Variants in ATE1 observed in about 807,000 individuals in gnomAD.
ATE1 encodes arginyl-tRNA--protein transferase 1.
In ATE1, 36 loss-of-function variants were observed where a neutral mutation model predicts 70.5. That is an observed-to-expected ratio of 0.51 (90% CI 0.39 to 0.67). The LOEUF (loss-of-function observed/expected upper bound fraction) is 0.67, where lower values mean the gene tolerates loss of function less well. Among genes scored for constraint, ATE1 ranks in the 30% least tolerant of loss-of-function variants. ATE1 has a pLI of 0.00. For missense variants in ATE1, 593 were observed against 629.5 expected (o/e 0.94, Z 0.62); for synonymous variants, 232 against 219.3 (o/e 1.06, Z -0.51).
chr10:121,824,271 C>T (rs564677131), intron 10 of ATE1, among the ~76,000 whole-genome samples: 1 of 152,272 alleles, frequency 6.6e-6, no homozygotes, highest in East Asian at 1.9e-4. Context: ...CTGATGAGAT[C>T]ATTTGTATTC....
intron 11 of ATE1, among the ~76,000 whole-genome samples, chr10:121,785,290 C>T (rs1249310745): frequency 6.6e-6 from 1 of 152,092 alleles, no homozygotes; most frequent in Non-Finnish European, 1.5e-5. Context: ...GTTATTACTG[C>T]AGCACCTTTT....
chr10:121,875,917 A>C (rs749096971), intron 7 of ATE1, among the ~76,000 whole-genome samples: 2 of 152,154 alleles, frequency 1.3e-5, no homozygotes, highest in Admixed American at 1.3e-4. Context: ...ATTTCATATA[A>C]TATCTATTAA....
At chr10:121,906,894 G>A (rs1019986833) in intron 5 of ATE1, among the ~76,000 whole-genome samples, 4 of 151,966 alleles carry the variant, frequency 2.6e-5, no homozygotes, top group Non-Finnish European at 5.9e-5. Context: ...CACTGAGCCC[G>A]GCCAAAATCC....
intron 2 of ATE1, among the ~76,000 whole-genome samples, chr10:121,923,200 G>T (rs1037771398): frequency 1.3e-5 from 2 of 152,174 alleles, no homozygotes; most frequent in Non-Finnish European, 2.9e-5. Context: ...GCCAGGCATG[G>T]TGGTTCATAC....
chr10:121,925,422 T>A, intron 1 of ATE1, among the ~76,000 whole-genome samples: 1 of 124,332 alleles, frequency 8.0e-6, no homozygotes, highest in African/African-American at 2.6e-5. Context: ...AGTGAAGCTC[T>A]GTCTCAAAAA....
At chr10:121,773,947 C>T (rs868509570) in intron 11 of ATE1, among the ~76,000 whole-genome samples, 8 of 152,120 alleles carry the variant, frequency 5.3e-5, no homozygotes, top group African/African-American at 1.9e-4. Flanking sequence ...TCTACAAAGT[C>T]AAGACTATGC....
intron 10 of ATE1, among the ~76,000 whole-genome samples, chr10:121,827,937 G>C (rs924002374): frequency 3.3e-5 from 5 of 152,118 alleles, no homozygotes; most frequent in Admixed American, 2.0e-4. Flanking sequence ...AATTCCTTAG[G>C]GAGGAGAATT....
At position 121,887,298 on chromosome 10, in the gene ATE1, A is replaced by C. The variant is rs147925585; in HGVS notation, c.942+12568T>G. On this transcript the variant is annotated intron_variant, in intron 7 of 11. Transcript: ENST00000224652. ...CTTTCCTTTCCACACTCATTGTCTA[A>C]ACAAGTGAATATACATACACCTGAA... Among the ~76,000 whole-genome samples the C allele has an allele frequency of 7.8e-3, 1,189 of 152,286 alleles. 8 individuals carry two copies. The highest frequency in any genetic ancestry group is 0.014 in the Non-Finnish European group (959 of 68,010).
At chr10:121,841,381 T>C in intron 8 of ATE1, 118 bp from the exon 9 acceptor site, 1 of 701,000 alleles carries the variant, frequency 1.4e-6, no homozygotes, top group Non-Finnish European at 2.0e-6. Flanking sequence ...TTTGTTTCCA[T>C]CATCATCCCT....
chr10:121,898,320 C>T (rs1199685106), intron 7 of ATE1, among the ~76,000 whole-genome samples: 1 of 152,188 alleles, frequency 6.6e-6, no homozygotes, highest in African/African-American at 2.4e-5. Flanking sequence ...AGATATTCAA[C>T]ATTTTATTAT....
At chr10:121,801,305 C>T (rs1417824783) in intron 10 of ATE1, among the ~76,000 whole-genome samples, 5 of 152,188 alleles carry the variant, frequency 3.3e-5, no homozygotes, top group African/African-American at 1.2e-4. Flanking sequence ...TAAGACTGAG[C>T]TATTTATTTT....
At chr10:121,889,114 A>T (rs1199323065) in intron 7 of ATE1, among the ~76,000 whole-genome samples, 1 of 152,114 alleles carries the variant, frequency 6.6e-6, no homozygotes, top group Non-Finnish European at 1.5e-5. Context: ...CCTGGGTTTA[A>T]GCGATTTTCC....
At chr10:121,839,413 T>C (rs890300747) in intron 9 of ATE1, among the ~76,000 whole-genome samples, 1 of 152,058 alleles carries the variant, frequency 6.6e-6, no homozygotes, top group African/African-American at 2.4e-5. Context: ...CTATAACACA[T>C]TGTGAAGTGA....
chr10:121,841,940 T>C (rs1234383743), intron 8 of ATE1, among the ~76,000 whole-genome samples: 1 of 152,144 alleles, frequency 6.6e-6, no homozygotes, highest in African/African-American at 2.4e-5. Flanking sequence ...ATAAAAACTA[T>C]GTTCTTCTAT....
At chr10:121,928,209 G>C (rs762986091), upstream of ATE1, 52 of 1,332,136 alleles carry the variant, frequency 3.9e-5, no homozygotes, top group Middle Eastern at 2.8e-4. Context: ...CGGAGAGACA[G>C]AGCGGGAAGG....
chr10:121,765,789 C>T (rs1945254726), intron 11 of ATE1, among the ~76,000 whole-genome samples: 1 of 152,054 alleles, frequency 6.6e-6, no homozygotes, highest in Non-Finnish European at 1.5e-5. Flanking sequence ...TATCTTAGTG[C>T]AATATTCTGA....
At chr10:121,863,528 G>A (rs1949552327) in intron 8 of ATE1, among the ~76,000 whole-genome samples, 1 of 152,060 alleles carries the variant, frequency 6.6e-6, no homozygotes, top group South Asian at 2.1e-4. Flanking sequence ...TGGGATTACA[G>A]GCGTGAGCCA....
chr10:121,912,635 G>C (rs1951488087), intron 4 of ATE1, among the ~76,000 whole-genome samples: 1 of 151,700 alleles, frequency 6.6e-6, no homozygotes, highest in Non-Finnish European at 1.5e-5. Flanking sequence ...CCGGGCGACA[G>C]AGCAAGACTC....
At chr10:121,837,865 G>A (rs984891947) in intron 9 of ATE1, among the ~76,000 whole-genome samples, 6 of 152,054 alleles carry the variant, frequency 3.9e-5, no homozygotes, top group South Asian at 2.1e-4. Flanking sequence ...CACCAATTCC[G>A]AGAAGGCCCA....
Sources: allele counts gnomAD v4.1 joint callset (sites outside exome capture counted in the v4.1 genomes callset), GRCh38; gene constraint gnomAD v4.1.1; transcripts MANE v1.5; gene names NCBI Gene and HGNC (gene_info 2026-07-23, HGNC 2026-07-21).